The following ERP44 variants were observed in gnomAD, a reference collection of about 807,000 sequenced individuals.
ERP44 encodes endoplasmic reticulum protein 44.
In ERP44, 25 loss-of-function variants were observed where a neutral mutation model predicts 53.4. The ratio of observed to expected loss-of-function variants is 0.47; its 90% CI spans 0.34 to 0.65. ERP44 has a LOEUF of 0.65. Ranked by LOEUF, ERP44 falls within the 30% of genes least tolerant of loss-of-function variation. The pLI, the probability that ERP44 is intolerant of heterozygous loss-of-function variation, is 0.01. For missense variants in ERP44, 338 were observed against 493.2 expected (o/e 0.69, Z 2.98); for synonymous variants, 145 against 161.2 (o/e 0.90, Z 0.76).
intron 11 of ERP44, among the ~76,000 whole-genome samples, chr9:99,984,034 G>A (rs1043133681): frequency 6.6e-6 from 1 of 152,098 alleles, no homozygotes; most frequent in African/African-American, 2.4e-5. Flanking sequence ...TCACCTTTGG[G>A]TTATAGCCAA....
At chr9:100,016,540 C>A in intron 7 of ERP44, 102 bp from the exon 8 acceptor site, 1 of 1,405,000 alleles carries the variant, frequency 7.1e-7, no homozygotes, top group South Asian at 1.6e-5. Flanking sequence ...CTCACTCTGT[C>A]ACCCAGGCTG....
At chr9:100,011,723 C>A (rs1024059310) in intron 8 of ERP44, among the ~76,000 whole-genome samples, 1 of 151,982 alleles carries the variant, frequency 6.6e-6, no homozygotes, top group Admixed American at 6.6e-5. Context: ...TACTCAGAAT[C>A]CAGGGAAATA....
At chr9:100,064,814 A>C (rs2118723778) in intron 1 of ERP44, among the ~76,000 whole-genome samples, 1 of 152,294 alleles carries the variant, frequency 6.6e-6, no homozygotes, top group East Asian at 1.9e-4. Context: ...GGTTTTCAAC[A>C]AAAAAGCTAA....
chr9:99,989,050 A>G (rs1404397992), intron 10 of ERP44, among the ~76,000 whole-genome samples: 1 of 152,164 alleles, frequency 6.6e-6, no homozygotes, highest in Non-Finnish European at 1.5e-5. Flanking sequence ...AACTGGGTGG[A>G]GCCCACCGCA....
intron 4 of ERP44, among the ~76,000 whole-genome samples, chr9:100,022,775 C>T (rs1262765530): frequency 6.6e-6 from 1 of 152,090 alleles, no homozygotes; most frequent in Non-Finnish European, 1.5e-5. Context: ...TTTATTCTCT[C>T]TAGCATAGGC....
chr9:99,984,955 C>G lies in ERP44; in HGVS notation c.1119+12G>C. On this transcript the variant is annotated intron_variant, in intron 11 of 11. Coordinates refer to ENST00000262455, the MANE Select transcript of ERP44 (RefSeq NM_015051.3). Reference sequence around the variant, plus strand: ...AAAAGAGTTCTCATTGAAAAATAAACAGGAGTCCTACCTCTCCTGGGGCTG... The same window carrying G: ...AAAAGAGTTCTCATTGAAAAATAAAGAGGAGTCCTACCTCTCCTGGGGCTG... 6.5e-7 allele frequency: 1 copy of G among 1,541,408 alleles called. No individual in the cohort carries two copies. The highest frequency in any genetic ancestry group is 8.9e-7 in the Non-Finnish European group (1 of 1,118,496).
intron 4 of ERP44, among the ~76,000 whole-genome samples, chr9:100,041,974 A>G (rs778289737): frequency 2.0e-5 from 3 of 152,170 alleles, no homozygotes; most frequent in Non-Finnish European, 4.4e-5. Flanking sequence ...CATTGGGGAA[A>G]CTCTCCAGGA....
intron 1 of ERP44, among the ~76,000 whole-genome samples, chr9:100,087,526 G>A (rs1352047195): frequency 6.6e-6 from 1 of 152,176 alleles, no homozygotes; most frequent in African/African-American, 2.4e-5. Flanking sequence ...CAAAAACCAG[G>A]AGAGTTTAGT....
At chr9:99,995,547 A>C (rs2118614112) in intron 10 of ERP44, among the ~76,000 whole-genome samples, 1 of 152,286 alleles carries the variant, frequency 6.6e-6, no homozygotes, top group South Asian at 2.1e-4. Flanking sequence ...AGCCTCTGGT[A>C]ACAACCATTC....
At chr9:100,021,402 T>A (rs1830586936) in intron 5 of ERP44, among the ~76,000 whole-genome samples, 1 of 152,364 alleles carries the variant, frequency 6.6e-6, no homozygotes, top group Non-Finnish European at 1.5e-5. Context: ...CACTACTTGC[T>A]GTGATGTGAG....
At chr9:100,049,165 T>A (rs1226142745) in intron 4 of ERP44, among the ~76,000 whole-genome samples, 4 of 152,174 alleles carry the variant, frequency 2.6e-5, no homozygotes, top group Non-Finnish European at 5.9e-5. Context: ...ATCCCAGCAC[T>A]TTCAGAAGCC....
intron 3 of ERP44, among the ~76,000 whole-genome samples, chr9:100,057,130 A>G (rs1335908828): frequency 6.6e-6 from 1 of 152,206 alleles, no homozygotes; most frequent in Non-Finnish European, 1.5e-5. Flanking sequence ...AGTAAGCCTT[A>G]AAGGGTCAGA....
intron 1 of ERP44, among the ~76,000 whole-genome samples, chr9:100,085,100 C>T (rs1227362820): frequency 1.3e-5 from 2 of 152,108 alleles, no homozygotes; most frequent in Non-Finnish European, 2.9e-5. Context: ...ACTGAGGGCT[C>T]GGTTATTATA....
At chr9:100,055,755 T>C (rs1826082186) in intron 3 of ERP44, among the ~76,000 whole-genome samples, 1 of 152,168 alleles carries the variant, frequency 6.6e-6, no homozygotes, top group Admixed American at 6.5e-5. Context: ...CCCATAAATA[T>C]TAGGTAATTT....
intron 10 of ERP44, among the ~76,000 whole-genome samples, chr9:100,001,205 G>C (rs185426506): frequency 5.3e-5 from 8 of 152,272 alleles, no homozygotes; most frequent in Non-Finnish European, 2.9e-5. Context: ...GGTCAGAAAA[G>C]ATATTTGATA....
intron 6 of ERP44, among the ~76,000 whole-genome samples, 175 bp downstream of exon 6, chr9:100,020,441 A>G (rs888465867): frequency 3.9e-5 from 6 of 152,222 alleles, no homozygotes; most frequent in Non-Finnish European, 8.8e-5. Context: ...AGAAAGAAAA[A>G]CAGACTTTTA....
chr9:100,080,260 G>A (rs1286740564), intron 1 of ERP44, among the ~76,000 whole-genome samples: 8 of 152,166 alleles, frequency 5.3e-5, no homozygotes. Context: ...AGAGCTTACA[G>A]GAAAACCCAA....
chr9:100,085,103 TTATTA>T (rs1826465994), intron 1 of ERP44, among the ~76,000 whole-genome samples: 1 of 152,224 alleles, frequency 6.6e-6, no homozygotes, highest in Non-Finnish European at 1.5e-5. Context: ...GAGGGCTCGG[TTATTA>T]TATATTTTAA....
chr9:100,044,575 G>A (rs538117895), intron 4 of ERP44, among the ~76,000 whole-genome samples: 1 of 152,156 alleles, frequency 6.6e-6, no homozygotes, highest in Admixed American at 6.5e-5. Context: ...GCTGGCAAAA[G>A]CCTATTCAAA....
Sources: gnomAD v4.1 joint callset for allele counts (sites outside exome capture counted in the v4.1 genomes callset) on GRCh38, gnomAD v4.1.1 for gene constraint, MANE v1.5 for transcripts, NCBI Gene and HGNC (gene_info 2026-07-23, HGNC 2026-07-21) for gene names.